Variants in CDH12 observed in about 807,000 individuals in gnomAD.
The protein encoded by CDH12 is cadherin 12.
A neutral mutation model predicts 74.1 loss-of-function variants in CDH12; 41 were observed. The observed-to-expected ratio is 0.55, with a 90% CI of 0.43 to 0.72. The LOEUF (loss-of-function observed/expected upper bound fraction) is 0.72, where lower values mean the gene tolerates loss of function less well. Ranked by LOEUF, CDH12 falls within the 30% of genes least tolerant of loss-of-function variation. The pLI, the probability that CDH12 is intolerant of heterozygous loss-of-function variation, is 0.00. For synonymous variants in CDH12, 399 were observed against 355.0 expected, an observed-to-expected ratio of 1.12 and a Z score of -1.39; for missense variants, 945 against 977.2, an observed-to-expected ratio of 0.97 and a Z score of 0.44.
chr5:22,187,234 A>G (rs1265663444), intron 4 of CDH12, among the ~76,000 whole-genome samples: 2 of 152,152 alleles, frequency 1.3e-5, no homozygotes, highest in African/African-American at 4.8e-5. Context: ...TATTGCTGGC[A>G]GGTGATGAAG....
At chr5:21,952,792 T>G (rs913635167) in intron 6 of CDH12, among the ~76,000 whole-genome samples, 1 of 151,252 alleles carries the variant, frequency 6.6e-6, no homozygotes, top group Non-Finnish European at 1.5e-5. Flanking sequence ...TTAAAGAAAC[T>G]GGGAGTCAGC....
intron 1 of CDH12, among the ~76,000 whole-genome samples, chr5:22,648,648 GATATATGATTTGGATCAAAC>G (rs1219761003): frequency 2.0e-5 from 3 of 151,822 alleles, no homozygotes; most frequent in Admixed American, 1.3e-4. Flanking sequence ...CACAGGTACA[GATATATGATTTGGATCAAAC>G]ATATGTTCAT....
rs574217174 is a variant in CDH12, at chr5:22,582,999, TG to T, written c.-522-77636del. Reference sequence around the variant, plus strand: ...TCATCTACCATAGAAGAGTAACAACTGGGCCAGTAGAGAGAAAAGCGCACTT... The same window carrying T: ...TCATCTACCATAGAAGAGTAACAACTGGCCAGTAGAGAGAAAAGCGCACTT... On this transcript the variant is annotated intron_variant, in intron 1 of 14. Transcript: ENST00000382254. Among the ~76,000 whole-genome samples the T allele has an allele frequency of 4.1e-4, 63 of 152,116 alleles. 2 individuals carry two copies. The South Asian group carries it at 0.013, about 32-fold the overall frequency.
At chr5:22,655,374 T>C (rs1468176643) in intron 1 of CDH12, among the ~76,000 whole-genome samples, 1 of 152,188 alleles carries the variant, frequency 6.6e-6, no homozygotes, top group Non-Finnish European at 1.5e-5. Flanking sequence ...CTCCTTTACA[T>C]TCACTTCCTT....
intron 1 of CDH12, among the ~76,000 whole-genome samples, chr5:22,789,605 T>G (rs1020066636): frequency 6.6e-6 from 1 of 152,180 alleles, no homozygotes; most frequent in South Asian, 2.1e-4. Context: ...TAAAAGTGTC[T>G]CACAAGTATT....
At chr5:22,800,454 C>T (rs1297080231) in intron 1 of CDH12, among the ~76,000 whole-genome samples, 2 of 152,024 alleles carry the variant, frequency 1.3e-5, no homozygotes, top group East Asian at 3.9e-4. Flanking sequence ...TTCTTACATA[C>T]CCGTTTACCC....
At chr5:22,241,936 A>G (rs917888867) in intron 3 of CDH12, among the ~76,000 whole-genome samples, 7 of 152,140 alleles carry the variant, frequency 4.6e-5, no homozygotes, top group African/African-American at 1.7e-4. Flanking sequence ...TAATATTTAA[A>G]TCATATATGG....
At chr5:22,361,378 T>C (rs1012898150) in intron 3 of CDH12, among the ~76,000 whole-genome samples, 9 of 152,172 alleles carry the variant, frequency 5.9e-5, no homozygotes, top group Non-Finnish European at 1.0e-4. Context: ...ACAAGGGATG[T>C]GAAGGACCTC....
intron 4 of CDH12, among the ~76,000 whole-genome samples, chr5:22,208,956 G>A (rs1343807767): frequency 6.6e-6 from 1 of 152,168 alleles, no homozygotes; most frequent in East Asian, 1.9e-4. Context: ...CTAGAGAATT[G>A]AAAGTACGCT....
chr5:22,027,496 G>T (rs1561033871), intron 5 of CDH12, among the ~76,000 whole-genome samples: 1 of 152,152 alleles, frequency 6.6e-6, no homozygotes, highest in Non-Finnish European at 1.5e-5. Flanking sequence ...TACAGAGCCT[G>T]TTATTGGTGT....
chr5:22,795,253 T>G (rs1459519033), intron 1 of CDH12, among the ~76,000 whole-genome samples: 1 of 152,160 alleles, frequency 6.6e-6, no homozygotes, highest in African/African-American at 2.4e-5. Flanking sequence ...TGTCAAGAGA[T>G]GACGATGGGA....
intron 8 of CDH12, among the ~76,000 whole-genome samples, chr5:21,831,462 G>T (rs139073319): frequency 1.3e-5 from 2 of 152,244 alleles, no homozygotes; most frequent in African/African-American, 4.8e-5. Flanking sequence ...TATGTGAGCT[G>T]CTTTTCTCTC....
At chr5:22,752,834 A>G (rs1745665920) in intron 1 of CDH12, among the ~76,000 whole-genome samples, 1 of 151,688 alleles carries the variant, frequency 6.6e-6, no homozygotes. Flanking sequence ...TCGGCCTCCC[A>G]AAGTGCTGGG....
intron 1 of CDH12, among the ~76,000 whole-genome samples, chr5:22,609,956 AG>A (rs1467131578): frequency 2.6e-5 from 4 of 152,256 alleles, no homozygotes; most frequent in African/African-American, 9.6e-5. Flanking sequence ...TTTGAAAACA[AG>A]TGAGCTTCCC....
chr5:22,489,561 C>T lies in CDH12; in HGVS notation c.-428+15709G>A, dbSNP rs553441020. ...TGAAGATATAGCTACAAAAAATAAT[C>T]TCAAGGAGTTTAAGTTTTAATTGGA... On this transcript the variant is annotated intron_variant, in intron 2 of 14. Coordinates refer to ENST00000382254, the MANE Select transcript of CDH12 (RefSeq NM_004061.5). Among the ~76,000 whole-genome samples, 15 of 152,110 alleles carry T rather than the reference C, an allele frequency of 9.9e-5. No individual in the cohort carries two copies. The South Asian group carries it at 2.9e-3, about 29-fold the overall frequency.
At chr5:22,562,050 G>T (rs1739072419) in intron 1 of CDH12, among the ~76,000 whole-genome samples, 1 of 152,204 alleles carries the variant, frequency 6.6e-6, no homozygotes, top group Non-Finnish European at 1.5e-5. Flanking sequence ...GGGCGCGGTG[G>T]CTCACGCCTG....
intron 2 of CDH12, among the ~76,000 whole-genome samples, chr5:22,435,977 A>T (rs938455883): frequency 2.6e-5 from 4 of 151,786 alleles, no homozygotes; most frequent in Admixed American, 6.6e-5. Flanking sequence ...ACGTATGTTT[A>T]TTGCAGCACT....
chr5:22,662,312 A>G (rs1365187211), intron 1 of CDH12, among the ~76,000 whole-genome samples: 1 of 152,218 alleles, frequency 6.6e-6, no homozygotes, highest in Non-Finnish European at 1.5e-5. Flanking sequence ...ATATATAACA[A>G]AGTTTAATTG....
In CDH12 at chr5:21,842,199, A is replaced by G. The variant is rs1749906084; in HGVS notation, c.776T>C (p.Leu259Pro). 6.2e-7 allele frequency: 1 copy of G among 1,613,052 alleles called. No individual in the cohort carries two copies. The highest frequency in any genetic ancestry group is 8.5e-7 in the Non-Finnish European group (1 of 1,179,460). The change falls in exon 8 of 15, where the codon CTC (leucine) becomes CCC (proline). Residue 259 changes from leucine to proline, a missense_variant. Around this residue, in one of 3 missense-constraint regions of CDH12, gnomAD observed 791 missense variants for 792.8 expected, o/e 1.00. Coordinates refer to ENST00000382254, the MANE Select transcript of CDH12 (RefSeq NM_004061.5). ...LAGTTIVNIT[L>P]TDVNDNPPRF... is the part of the protein sequence containing the mutation. ...AGGTGGATTGTCATTGACATCGGTGAGAGTGATGTTGACTATTGTTGTTCC... is the reference window on the plus strand; with the variant it reads ...AGGTGGATTGTCATTGACATCGGTGGGAGTGATGTTGACTATTGTTGTTCC...
Sources: allele counts gnomAD v4.1 joint callset (sites outside exome capture counted in the v4.1 genomes callset), GRCh38; gene constraint gnomAD v4.1.1; regional missense constraint gnomAD v4.1.1; transcripts MANE v1.5; gene names NCBI Gene and HGNC (gene_info 2026-07-23, HGNC 2026-07-21).